Variants in ATP8B4 observed in about 807,000 individuals in gnomAD.
ATP8B4 encodes probable phospholipid-transporting ATPase IM.
A neutral mutation model predicts 145.6 loss-of-function variants in ATP8B4; 133 were observed. The observed-to-expected ratio is 0.91, with a 90% confidence interval of 0.79 to 1.05. The LOEUF (loss-of-function observed/expected upper bound fraction) is 1.05, where lower values mean the gene tolerates loss of function less well. Among genes scored for constraint, ATP8B4 ranks in the 50% least tolerant of loss-of-function variants. The probability of loss-of-function intolerance (pLI) is 0.00; values close to 1 mark genes in which losing one functional copy is unlikely to be tolerated. For missense variants in ATP8B4, 1,458 were observed against 1,425.2 expected, an observed-to-expected ratio of 1.02 and a Z score of -0.37; for synonymous variants, 507 against 492.9, an observed-to-expected ratio of 1.03 and a Z score of -0.38.
intron 1 of ATP8B4, among the ~76,000 whole-genome samples, chr15:50,129,785 T>G (rs1031850011): frequency 6.6e-6 from 1 of 151,740 alleles, no homozygotes; most frequent in African/African-American, 2.4e-5. Flanking sequence ...CCGTCGCTAC[T>G]AAAAATACAA....
chr15:49,955,216 T>C (rs1054360298), intron 14 of ATP8B4, among the ~76,000 whole-genome samples: 1 of 152,202 alleles, frequency 6.6e-6, no homozygotes, highest in Non-Finnish European at 1.5e-5. Flanking sequence ...AACTACCTCT[T>C]GGGTACTGTG....
chr15:49,925,865 T>C (rs766225585), intron 16 of ATP8B4, among the ~76,000 whole-genome samples: 1 of 152,134 alleles, frequency 6.6e-6, no homozygotes, highest in African/African-American at 2.4e-5. Flanking sequence ...GTTAATAAAA[T>C]CTAAGTCATT....
intron 1 of ATP8B4, among the ~76,000 whole-genome samples, chr15:50,129,885 C>A (rs1046935483): frequency 7.0e-6 from 1 of 142,390 alleles, no homozygotes; most frequent in African/African-American, 2.7e-5. Context: ...GAGGCGGAGG[C>A]TGCAGTGAGT....
upstream of ATP8B4, among the ~76,000 whole-genome samples, chr15:50,119,949 T>A (rs1228665638): frequency 2.6e-5 from 4 of 151,566 alleles, no homozygotes; most frequent in Admixed American, 2.0e-4. Flanking sequence ...TGGATTTACA[T>A]CTTTTAGTTT....
chr15:50,086,420 T>G (rs866253903), intron 2 of ATP8B4, among the ~76,000 whole-genome samples: 1 of 24,444 alleles, frequency 4.1e-5, no homozygotes, highest in Non-Finnish European at 5.7e-5. Context: ...TAAAATAATA[T>G]AGAGATCTAT....
chr15:49,901,046 A>G lies in ATP8B4; in HGVS notation c.2289+46T>C. 4 of 1,591,420 alleles carry G rather than the reference A, an allele frequency of 2.5e-6. No individual in the cohort carries two copies. In the South Asian group the frequency reaches 4.5e-5, roughly 18 times the overall value. On this transcript the variant is annotated intron_variant, in intron 21 of 27. Coordinates refer to ENST00000284509, the MANE Select transcript of ATP8B4 (RefSeq NM_024837.4). ...TTATGATAGCACAAAAGAGATGATT[A>G]TTGCAGTGAAGAAAAAGAAAGGACA...
At chr15:50,103,728 A>G (rs1408099496) in intron 2 of ATP8B4, among the ~76,000 whole-genome samples, 1 of 152,184 alleles carries the variant, frequency 6.6e-6, no homozygotes, top group Non-Finnish European at 1.5e-5. Context: ...ACTAGAAAAA[A>G]CAATACTAAA....
chr15:49,904,612 C>T (rs1322975387), intron 20 of ATP8B4, among the ~76,000 whole-genome samples: 1 of 152,196 alleles, frequency 6.6e-6, no homozygotes, highest in Non-Finnish European at 1.5e-5. Context: ...CTTAAAGAAT[C>T]TCTATGGCTT....
chr15:49,928,501 G>A (rs528178590), intron 16 of ATP8B4, among the ~76,000 whole-genome samples: 16 of 152,196 alleles, frequency 1.1e-4, no homozygotes, highest in African/African-American at 3.6e-4. Flanking sequence ...AATTTTGCAC[G>A]TCATACTAAT....
intron 20 of ATP8B4, among the ~76,000 whole-genome samples, chr15:49,905,957 T>TATAC (rs1010459058): frequency 6.7e-6 from 1 of 149,186 alleles, no homozygotes; most frequent in Non-Finnish European, 1.5e-5. Context: ...CCTACATATA[T>TATAC]ATACACACAC....
chr15:50,099,723 C>T (rs1293812429), intron 2 of ATP8B4, among the ~76,000 whole-genome samples: 1 of 152,152 alleles, frequency 6.6e-6, no homozygotes, highest in Non-Finnish European at 1.5e-5. Context: ...AGTCAAGGGG[C>T]TAGACCTTTT....
intron 5 of ATP8B4, among the ~76,000 whole-genome samples, chr15:50,041,229 T>C (rs2051258628): frequency 6.6e-6 from 1 of 152,184 alleles, no homozygotes; most frequent in Admixed American, 6.5e-5. Context: ...ACACATTTAC[T>C]CCAAAGATGC....
chr15:50,162,474 A>G lies in ATP8B4; in HGVS notation c.-43+19787T>C, dbSNP rs147735551. On this transcript the variant is annotated intron_variant, in intron 1 of 3. Transcript: ENST00000558829. ...CTCTTAGATTTGCCCTTTTGAGGCT[A>G]TTTTCTATATCTTATAGGCAAGTTT... Among the ~76,000 whole-genome samples, 929 of 151,776 alleles carry G rather than the reference A, an allele frequency of 6.1e-3. 10 individuals carry two copies. Among genetic ancestry groups the G allele is most frequent in the African/African-American group, 0.022 (904 of 41,414 alleles).
intron 3 of ATP8B4, among the ~76,000 whole-genome samples, chr15:50,069,765 A>T (rs746283892): frequency 5.8e-4 from 89 of 152,160 alleles, no homozygotes; most frequent in Non-Finnish European, 1.0e-3. Flanking sequence ...CATGAAAAAA[A>T]ATATAGGTTT....
intron 3 of ATP8B4, among the ~76,000 whole-genome samples, chr15:50,055,290 A>T (rs1328763608): frequency 1.3e-5 from 2 of 152,226 alleles, no homozygotes; most frequent in African/African-American, 4.8e-5. Context: ...CATTCAACTC[A>T]AACTAAGTCA....
chr15:49,897,349 AT>A lies in ATP8B4; in HGVS notation c.2639del (p.Asn880IlefsTer41), dbSNP rs1322248392. 6.2e-7 allele frequency: 1 copy of A among 1,613,704 alleles called. No homozygotes were observed. Among genetic ancestry groups the A allele is most frequent in the Non-Finnish European group, 8.5e-7 (1 of 1,179,900 alleles). ...CKFLCYFFYK[N>X]FAFTLVHFWF... ...AGAAATGCACAAGTGTAAATGCAAAATTCTTATAGAAGAAATAGCATAAGAA... is the reference window on the plus strand; with the variant it reads ...AGAAATGCACAAGTGTAAATGCAAAATCTTATAGAAGAAATAGCATAAGAA... On this transcript the variant is annotated frameshift_variant, in exon 23 of 28. Transcript: ENST00000284509. LOFTEE classifies it high-confidence loss of function.
At chr15:49,912,505 T>C (rs879376549) in intron 20 of ATP8B4, among the ~76,000 whole-genome samples, 1 of 152,010 alleles carries the variant, frequency 6.6e-6, no homozygotes, top group Non-Finnish European at 1.5e-5. Context: ...CAAAAGCCAA[T>C]AATGAGATTG....
At chr15:49,916,890 T>C (rs1440325234) in intron 20 of ATP8B4, 44 bp downstream of exon 20, 2 of 1,549,174 alleles carry the variant, frequency 1.3e-6, no homozygotes, top group South Asian at 1.1e-5. Flanking sequence ...TTTCCCTCCC[T>C]CCCTCTCGTC....
chr15:50,156,980 G>T (rs1327977427), intron 1 of ATP8B4, among the ~76,000 whole-genome samples: 2 of 152,140 alleles, frequency 1.3e-5, no homozygotes, highest in East Asian at 3.8e-4. Context: ...ACAAGCAAGG[G>T]AAAGAGCCAA....
Sources: gnomAD v4.1 joint callset for allele counts (sites outside exome capture counted in the v4.1 genomes callset) on GRCh38, gnomAD v4.1.1 for gene constraint, MANE v1.5 for transcripts, NCBI Gene and HGNC (gene_info 2026-07-23, HGNC 2026-07-21) for gene names.